The following AK5 variants were observed in gnomAD, a reference collection of about 807,000 sequenced individuals.
AK5 encodes adenylate kinase 5.
A neutral mutation model predicts 69.5 loss-of-function variants in AK5; 27 were observed. The ratio of observed to expected loss-of-function variants is 0.39; its 90% confidence interval spans 0.29 to 0.54. The LOEUF (loss-of-function observed/expected upper bound fraction) is 0.54. AK5 is among the 20% of genes least tolerant of loss of function. The pLI is 0.71. For missense variants in AK5, 531 were observed against 700.4 expected, an observed-to-expected ratio of 0.76 and a Z score of 2.73; for synonymous variants, 260 against 244.4, an observed-to-expected ratio of 1.06 and a Z score of -0.60.
chr1:77,385,205 G>GCGGGA (rs1647929134), intron 6 of AK5, among the ~76,000 whole-genome samples: 1 of 152,034 alleles, frequency 6.6e-6, no homozygotes, highest in Non-Finnish European at 1.5e-5. Flanking sequence ...TGTCGCCCAG[G>GCGGGA]CTGGAGTGCA....
chr1:77,331,915 T>C (rs541396941), intron 5 of AK5, among the ~76,000 whole-genome samples: 4 of 152,178 alleles, frequency 2.6e-5, no homozygotes, highest in Non-Finnish European at 5.9e-5. Context: ...TTTGTCAGTA[T>C]GGAGAAGTTG....
At chr1:77,558,473 G>GT (rs1031342846) in intron 13 of AK5, 129 bp from the exon 14 acceptor site, 7 of 506,440 alleles carry the variant, frequency 1.4e-5, no homozygotes, top group Non-Finnish European at 2.5e-5. Flanking sequence ...TTTTCTCTGT[G>GT]TTTTGGGGGG....
intron 10 of AK5, among the ~76,000 whole-genome samples, chr1:77,507,627 T>G (rs951330819): frequency 6.6e-6 from 1 of 152,160 alleles, no homozygotes; most frequent in African/African-American, 2.4e-5. Context: ...AAGAGAGAGG[T>G]ATGGCCCTGA....
intron 5 of AK5, among the ~76,000 whole-genome samples, chr1:77,329,065 G>A (rs188928069): frequency 9.3e-4 from 141 of 152,050 alleles, no homozygotes; most frequent in African/African-American, 3.1e-3. Context: ...CAATAGAATG[G>A]CAACTAAATT....
chr1:77,336,765 A>C (rs1454373077), intron 5 of AK5, among the ~76,000 whole-genome samples: 2 of 152,144 alleles, frequency 1.3e-5, no homozygotes, highest in Admixed American at 1.3e-4. Context: ...GTGTTGATGA[A>C]ATCTCTCAGC....
chr1:77,320,802 T>A (rs755677478), intron 5 of AK5, among the ~76,000 whole-genome samples: 1 of 152,174 alleles, frequency 6.6e-6, no homozygotes, highest in Non-Finnish European at 1.5e-5. Context: ...GGAGTGATGT[T>A]ACTGACATTA....
intron 10 of AK5, among the ~76,000 whole-genome samples, chr1:77,499,454 T>C (rs1656567484): frequency 6.6e-6 from 1 of 152,158 alleles, no homozygotes; most frequent in Admixed American, 6.6e-5. Flanking sequence ...GGATCACGCG[T>C]TACTGCCACG....
chr1:77,518,838 C>T (rs758480594), intron 11 of AK5, 111 bp downstream of exon 11: 2 of 1,090,326 alleles, frequency 1.8e-6, no homozygotes, highest in Non-Finnish European at 2.7e-6. Context: ...GAAACAATAG[C>T]TGTATATTAT....
intron 6 of AK5, among the ~76,000 whole-genome samples, chr1:77,350,473 T>C (rs189315166): frequency 2.0e-5 from 3 of 152,266 alleles, no homozygotes; most frequent in East Asian, 1.9e-4. Context: ...AAGGGCCACA[T>C]TGAAAGGCTT....
At chr1:77,446,902 A>G (rs1458316917) in intron 8 of AK5, among the ~76,000 whole-genome samples, 1 of 152,206 alleles carries the variant, frequency 6.6e-6, no homozygotes, top group Non-Finnish European at 1.5e-5. Context: ...GTCCTGTTCC[A>G]ATAGGTAAGT....
intron 1 of AK5, 100 bp downstream of exon 1, chr1:77,282,473 G>T: frequency 1.4e-6 from 2 of 1,445,054 alleles, no homozygotes; most frequent in Non-Finnish European, 1.8e-6. Context: ...CCCACACGGG[G>T]CATGTAATGA....
intron 12 of AK5, among the ~76,000 whole-genome samples, chr1:77,523,079 A>G (rs1249123481): frequency 6.6e-6 from 1 of 152,106 alleles, no homozygotes; most frequent in Non-Finnish European, 1.5e-5. Context: ...AGTAACATTG[A>G]TTGAGGTGAA....
At chr1:77,291,442 A>G (rs1658679455) in intron 2 of AK5, among the ~76,000 whole-genome samples, 1 of 152,026 alleles carries the variant, frequency 6.6e-6, no homozygotes, top group Non-Finnish European at 1.5e-5. Flanking sequence ...TAACTAGCAG[A>G]TTAACCTTCC....
At chr1:77,496,977 G>T (rs1377670276) in intron 10 of AK5, among the ~76,000 whole-genome samples, 1 of 152,182 alleles carries the variant, frequency 6.6e-6, no homozygotes, top group African/African-American at 2.4e-5. Context: ...GGGAATAAAA[G>T]CTGGCCACCC....
chr1:77,545,231 C>T (rs2100381905), intron 13 of AK5, among the ~76,000 whole-genome samples: 1 of 152,204 alleles, frequency 6.6e-6, no homozygotes, highest in East Asian at 1.9e-4. Context: ...TTTCCTCCTC[C>T]TTCTGTTCTC....
chr1:77,410,643 C>A (rs897352701), intron 6 of AK5, among the ~76,000 whole-genome samples: 8 of 152,024 alleles, frequency 5.3e-5, no homozygotes, highest in African/African-American at 1.9e-4. Context: ...CTGTTTAGAA[C>A]TATATATTTT....
intron 8 of AK5, among the ~76,000 whole-genome samples, chr1:77,479,115 A>G (rs1655112312): frequency 6.6e-6 from 1 of 151,962 alleles, no homozygotes; most frequent in African/African-American, 2.4e-5. Flanking sequence ...TCCCTTCAAT[A>G]GAATTCTAGA....
At chr1:77,388,348 AACAGCAGTC>A (rs1648164204) in intron 6 of AK5, among the ~76,000 whole-genome samples, 1 of 152,246 alleles carries the variant, frequency 6.6e-6, no homozygotes, top group Non-Finnish European at 1.5e-5. Context: ...GGAAAAGTGA[AACAGCAGTC>A]ACAGCATCTC....
intron 10 of AK5, among the ~76,000 whole-genome samples, chr1:77,490,189 G>A (rs896384760): frequency 2.0e-5 from 3 of 151,892 alleles, no homozygotes; most frequent in Non-Finnish European, 2.9e-5. Flanking sequence ...TGCTGCTGTG[G>A]CTGTTTCTTG....
Sources: gnomAD v4.1 joint callset for allele counts (sites outside exome capture counted in the v4.1 genomes callset) on GRCh38, gnomAD v4.1.1 for gene constraint, MANE v1.5 for transcripts, NCBI Gene and HGNC (gene_info 2026-07-23, HGNC 2026-07-21) for gene names.